GPAT2: variants seen among roughly 807,000 people sequenced by gnomAD.
GPAT2 encodes the protein 1-acylglycerol-3-phosphate O-acyltransferase GPAT2.
A neutral mutation model predicts 71.0 loss-of-function variants in GPAT2; 51 were observed. The ratio of observed to expected loss-of-function variants is 0.72; its 90% confidence interval spans 0.57 to 0.91. The LOEUF is 0.91. Among genes scored for constraint, GPAT2 ranks in the 40% least tolerant of loss-of-function variants. The pLI, the probability that GPAT2 is intolerant of heterozygous loss-of-function variation, is 0.00. For synonymous variants in GPAT2, 222 were observed against 290.3 expected, an observed-to-expected ratio of 0.76 and a Z score of 2.39; for missense variants, 511 against 666.0, an observed-to-expected ratio of 0.77 and a Z score of 2.56.
rs1302325431 is a variant in GPAT2 at position 96,023,974 on chromosome 2, A to G, written c.1863T>C (p.Cys621=). ...GGATGAGCCGGTCCAGCACCTCCTGACAGTAGCAGTAGGAAGACTGGCAGG... is the reference window on the plus strand; with the variant it reads ...GGATGAGCCGGTCCAGCACCTCCTGGCAGTAGCAGTAGGAAGACTGGCAGG... ...LKPCQSSYCY[C]QEVLDRLIQC... Residue 621 remains cysteine (C), a synonymous_variant, in exon 17 of 22, where the codon TGT becomes TGC. Coordinates refer to ENST00000434632, the MANE Select transcript of GPAT2 (RefSeq NM_001321527.2). 6.2e-6 allele frequency: 10 copies of G among 1,606,334 alleles called. No homozygotes were observed. The highest frequency in any genetic ancestry group is 7.6e-6 in the Non-Finnish European group (9 of 1,176,678).
Position 96,023,452 on chromosome 2 carries a change from G to A in GPAT2, c.1915-12C>T, listed in dbSNP as rs1679964331. 1.2e-6 allele frequency: 2 copies of A among 1,613,638 alleles called. No individual in the cohort carries two copies. The highest frequency in any genetic ancestry group is 1.7e-6 in the Non-Finnish European group (2 of 1,179,972). On this transcript the variant is annotated splice_polypyrimidine_tract_variant and intron_variant, in intron 17 of 21. Transcript: ENST00000434632. ...CGGGAGCCTGGGGTCTAGGGGCCGT[G>A]GAGCCATTGTTCTCTGACAAGCTGG...
At position 96,022,004 on chromosome 2, in the gene GPAT2, A is replaced by C; in HGVS notation, c.*155T>G. 6.9e-7 allele frequency: 1 copy of C among 1,456,328 alleles called. No homozygotes were observed. The highest frequency in any genetic ancestry group is 2.8e-5 in the Admixed American group (1 of 35,444). The allele number at this position is 1,456,328 out of a possible 1,614,324, so 90.2% of individuals were successfully genotyped here. On this transcript the variant is annotated 3_prime_UTR_variant, in exon 22 of 22. Coordinates refer to ENST00000434632, the MANE Select transcript of GPAT2 (RefSeq NM_001321527.2). Reference sequence around the variant, plus strand: ...GTCCCCTTGTTTATCACATCAAAGAAGGGAAAAAGCAAGAGATGGCAAGGG... The same window carrying C: ...GTCCCCTTGTTTATCACATCAAAGACGGGAAAAAGCAAGAGATGGCAAGGG...
In GPAT2 at chr2:96,024,765, C is replaced by T. The variant is rs1429506153; in HGVS notation, c.1428+8G>A. ...CCGCCCAGGTCCCCACCACATTGCA[C>T]CCCCTACCTTCTGATGCTTGAAGAG... is the stretch of plus-strand genomic sequence containing the variant. On this transcript the variant is annotated splice_region_variant and intron_variant, in intron 14 of 21. Coordinates refer to ENST00000434632, the MANE Select transcript of GPAT2 (RefSeq NM_001321527.2). 15 of 1,613,868 alleles carry T rather than the reference C, an allele frequency of 9.3e-6. No homozygotes were observed. The highest frequency in any genetic ancestry group is 2.2e-5 in the East Asian group (1 of 44,886).
At chr2:96,022,313 C>A in intron 21 of GPAT2, 38 bp from the exon 22 acceptor site, 1 of 1,548,204 alleles carries the variant, frequency 6.5e-7, no homozygotes, top group East Asian at 2.4e-5. Context: ...GCGCTCACCA[C>A]AGGGACTGTG....
chr2:96,023,901 T>G, intron 17 of GPAT2, 22 bp downstream of exon 17: 1 of 1,567,366 alleles, frequency 6.4e-7, no homozygotes, highest in Non-Finnish European at 8.7e-7. Flanking sequence ...GCAAGGATCT[T>G]GTCTCCAACT....
At chr2:96,022,333 CCCAGGGG>C in intron 21 of GPAT2, 58 bp from the exon 22 acceptor site, 1 of 1,499,692 alleles carries the variant, frequency 6.7e-7, no homozygotes, top group South Asian at 1.3e-5. Context: ...GTACACATGG[CCCAGGGG>C]CCAGGCCTGT....
chr2:96,023,799 G>A (rs1423211406), intron 17 of GPAT2, 124 bp downstream of exon 17: 3 of 1,481,938 alleles, frequency 2.0e-6, no homozygotes, highest in East Asian at 2.5e-5. Context: ...GCAAGGCCAG[G>A]GGCTGCCCAC....
At chr2:96,025,094 T>C (rs1680254048) in intron 13 of GPAT2, 2 of 599,410 alleles carry the variant, frequency 3.3e-6, no homozygotes, top group East Asian at 2.8e-5. Flanking sequence ...CTGAAGAAGA[T>C]ACAGATGGAT....
chr2:96,025,998 A>G lies in GPAT2; in HGVS notation c.1170T>C (p.Ser390=), dbSNP rs546098347. Reference sequence around the variant, plus strand: ...GTCTGCCGCCCCAGCAGCTTCTGGCACTGACGATGTATTCCTGCCCAAGAG... The same window carrying G: ...GTCTGCCGCCCCAGCAGCTTCTGGCGCTGACGATGTATTCCTGCCCAAGAG... ...QPFSLQEYIV[S]ARSCWGGRQT... Residue 390 remains serine, a synonymous_variant, in exon 12 of 22, where the codon AGT becomes AGC. Transcript: ENST00000434632. 3 of 1,612,782 alleles carry G rather than the reference A, an allele frequency of 1.9e-6. No homozygotes were observed. In the African/African-American group the frequency reaches 4.0e-5, roughly 21 times the overall value.
rs775643039 is a variant in GPAT2 at position 96,023,220 on chromosome 2, G to A, written c.2053C>T (p.Gln685Ter). ...EADGRYFRLSQQSHCPDFFLF... is the reference protein window; with the variant it reads ...EADGRYFRLS Reference sequence around the variant, plus strand: ...AAGAAATCTGGGCAGTGTGACTGCTGGCTGAGCTGGAGGGGACAGGCCGGG... The same window carrying A: ...AAGAAATCTGGGCAGTGTGACTGCTAGCTGAGCTGGAGGGGACAGGCCGGG... Residue 685 changes from glutamine to a stop codon, truncating the protein, a stop_gained, in exon 19 of 22, where the codon CAG (glutamine) becomes TAG (stop). Coordinates refer to ENST00000434632, the MANE Select transcript of GPAT2 (RefSeq NM_001321527.2). LOFTEE classifies it high-confidence loss of function. 7.8e-5 allele frequency: 126 copies of A among 1,609,162 alleles called. No homozygotes were observed. The highest frequency in any genetic ancestry group is 1.1e-4 in the Non-Finnish European group (125 of 1,177,894).
intron 21 of GPAT2, 149 bp from the exon 22 acceptor site, chr2:96,022,424 G>T: frequency 1.9e-6 from 2 of 1,061,590 alleles, no homozygotes; most frequent in Non-Finnish European, 1.4e-6. Context: ...CCGCAAAGCA[G>T]TCCCAATACC....
chr2:96,024,475 G>A lies in GPAT2; in HGVS notation c.1639C>T (p.Gln547Ter), dbSNP rs1351069042. 6.2e-7 allele frequency: 1 copy of A among 1,614,020 alleles called. No homozygotes were observed. The highest frequency in any genetic ancestry group is 1.3e-5 in the African/African-American group (1 of 75,052). Residue 547 changes from glutamine (Q) to a stop codon, truncating the protein, a stop_gained, in exon 15 of 22, where the codon CAA (glutamine) becomes TAA (stop). Coordinates refer to ENST00000434632, the MANE Select transcript of GPAT2 (RefSeq NM_001321527.2). LOFTEE classifies it high-confidence loss of function. Reference protein sequence around the residue: ...QPGPGLTHLAQLSAELLPVFL... With the variant: ...QPGPGLTHLA ...ACGGGCAGCAGCTCAGCACTCAGTTGTGCCAGGTGTGTGAGGCCTGGGCCA... is the reference window on the plus strand; with the variant it reads ...ACGGGCAGCAGCTCAGCACTCAGTTATGCCAGGTGTGTGAGGCCTGGGCCA...
intron 12 of GPAT2, 112 bp downstream of exon 12, chr2:96,025,818 C>G (rs1015001615): frequency 1.6e-6 from 2 of 1,284,624 alleles, no homozygotes; most frequent in Non-Finnish European, 2.2e-6. Flanking sequence ...TAGATGACCC[C>G]AGGATACTTG....
At chr2:96,026,156 C>T (rs1680380385) in intron 11 of GPAT2, 27 bp downstream of exon 11, 1 of 1,584,914 alleles carries the variant, frequency 6.3e-7, no homozygotes, top group Non-Finnish European at 8.6e-7. Flanking sequence ...CCCAGGTACT[C>T]CCAGCCTTCC....
rs753149151 is a variant in GPAT2, at chr2:96,024,554, C to T, written c.1560G>A (p.Ala520=). The T allele has an allele frequency of 3.7e-5, 59 of 1,613,688 alleles. 1 individual carries two copies. The Middle Eastern group carries it at 1.2e-3, about 31-fold the overall frequency. The stretch of plus-strand genomic sequence containing the variant: ...GACGGATGCGCAGCAGGGCCACGTG[C>T]GCCCGCAGCAGGCTCAGTGAGTGCT... ...LLQHSLSLLR[A]HVALLRIRQG... The change falls in exon 15 of 22, where the codon GCG becomes GCA. Residue 520 remains alanine (A), a synonymous_variant. Coordinates refer to ENST00000434632, the MANE Select transcript of GPAT2 (RefSeq NM_001321527.2).
chr2:96,022,657 G>T lies in GPAT2; in HGVS notation c.2289+11C>A. Reference sequence around the variant, plus strand: ...AGGGGGACAGAAGATGGTGACAGTGGCTCCTCTCACCCCTAGGTCTCTGAA... The same window carrying T: ...AGGGGGACAGAAGATGGTGACAGTGTCTCCTCTCACCCCTAGGTCTCTGAA... On this transcript the variant is annotated intron_variant, in intron 21 of 21. Coordinates refer to ENST00000434632, the MANE Select transcript of GPAT2 (RefSeq NM_001321527.2). 1.9e-6 allele frequency: 3 copies of T among 1,613,652 alleles called. No individual in the cohort carries two copies. The highest frequency in any genetic ancestry group is 3.3e-5 in the Admixed American group (2 of 60,020).
In GPAT2 at chr2:96,024,450, A is replaced by G. The variant is rs769589770; in HGVS notation, c.1664T>C (p.Val555Ala). 10 of 1,613,916 alleles carry G rather than the reference A, an allele frequency of 6.2e-6. No individual in the cohort carries two copies. In the South Asian group the frequency reaches 1.1e-4, roughly 18 times the overall value. Residue 555 changes from valine to alanine, a missense_variant, in exon 15 of 22, where the codon GTC becomes GCC. Val to Ala is a moderately conservative substitution (Grantham distance 64). This residue lies in a region of GPAT2 where 295 missense variants were observed against 305.5 expected (regional missense o/e 0.97). Transcript: ENST00000434632. ...LAQLSAELLPVFLSEAVGACA... is the reference protein window; with the variant it reads ...LAQLSAELLPAFLSEAVGACA... ...ACCGCCCACAGCCTCGCTCAGGAAG[A>G]CGGGCAGCAGCTCAGCACTCAGTTG...
chr2:96,030,219 G>A (rs2104677507), intron 6 of GPAT2, among the ~76,000 whole-genome samples, 187 bp downstream of exon 6: 1 of 140,154 alleles, frequency 7.1e-6, no homozygotes, highest in African/African-American at 2.7e-5. Flanking sequence ...TCTAACATAG[G>A]CTCCAACCTG....
At position 96,022,707 on chromosome 2, in the gene GPAT2, C is replaced by A. The variant is rs368334336; in HGVS notation, c.2250G>T (p.Lys750Asn). 1 of 1,613,842 alleles carries A rather than the reference C, an allele frequency of 6.2e-7. No individual in the cohort carries two copies. Among genetic ancestry groups the A allele is most frequent in the African/African-American group, 1.3e-5 (1 of 74,900 alleles). Residue 750 changes from lysine to asparagine, a missense_variant, in exon 21 of 22, where the codon AAG becomes AAT. Around this residue, in one of 7 missense-constraint regions of GPAT2, gnomAD observed 108 missense variants for 117.6 expected, o/e 0.92. Transcript: ENST00000434632. The part of the protein sequence containing the change: ...EEGIFECADP[K>N]LAISAVWTFR... ...AGGTCCAGACAGCACTGATGGCGAG[C>A]TTTGGGTCCGCACACTCTGGAAAGA...
Sources: gnomAD v4.1 joint callset for allele counts (sites outside exome capture counted in the v4.1 genomes callset) on GRCh38, gnomAD v4.1.1 for gene constraint, gnomAD v4.1.1 regional missense constraint, MANE v1.5 for transcripts, NCBI Gene and HGNC (gene_info 2026-07-23, HGNC 2026-07-21) for gene names.